The following PRKN variants were observed in gnomAD, a reference collection of about 807,000 sequenced individuals.
PRKN encodes the protein E3 ubiquitin-protein ligase parkin.
Under a neutral mutation model 59.5 loss-of-function variants are expected in PRKN, and 56 were observed. That is an observed-to-expected ratio of 0.94 (90% CI 0.76 to 1.18). The LOEUF is 1.18. PRKN is among the 50% of genes most tolerant of loss of function. PRKN has a pLI of 0.00. For synonymous variants in PRKN, 250 were observed against 222.1 expected (o/e 1.13, Z -1.12); for missense variants, 657 against 596.4 (o/e 1.10, Z -1.06).
intron 10 of PRKN, among the ~76,000 whole-genome samples, chr6:161,368,381 T>TGA (rs1479625167): frequency 4.2e-5 from 3 of 70,812 alleles, no homozygotes; most frequent in Admixed American, 3.7e-4. Flanking sequence ...ACCTCAGTCT[T>TGA]GATATATATA....
intron 3 of PRKN, among the ~76,000 whole-genome samples, chr6:162,241,685 C>T (rs1392232490): frequency 2.0e-5 from 3 of 152,176 alleles, no homozygotes; most frequent in Non-Finnish European, 4.4e-5. Context: ...ACTTTGAATG[C>T]TTCATCACAC....
chr6:161,622,928 C>G (rs76774761), intron 7 of PRKN, among the ~76,000 whole-genome samples: 52 of 152,234 alleles, frequency 3.4e-4, no homozygotes, highest in Non-Finnish European at 6.9e-4. Flanking sequence ...ATCATCTGCT[C>G]TTGTGGCTCA....
chr6:162,348,380 A>G (rs910429145), intron 2 of PRKN, among the ~76,000 whole-genome samples: 3 of 152,148 alleles, frequency 2.0e-5, no homozygotes, highest in South Asian at 2.1e-4. Flanking sequence ...AGAAAAAAAC[A>G]TATCTAATAA....
intron 5 of PRKN, among the ~76,000 whole-genome samples, chr6:161,991,563 C>G (rs1439506171): frequency 6.6e-6 from 1 of 152,072 alleles, no homozygotes; most frequent in East Asian, 1.9e-4. Flanking sequence ...CCCAACTGGC[C>G]AGGCGTGGTG....
chr6:162,091,523 C>A (rs1779495736), intron 4 of PRKN, among the ~76,000 whole-genome samples: 1 of 152,178 alleles, frequency 6.6e-6, no homozygotes, highest in African/African-American at 2.4e-5. Context: ...CTACGACCTA[C>A]TAGAAATGCT....
At chr6:161,945,860 C>T (rs1723980330) in intron 6 of PRKN, among the ~76,000 whole-genome samples, 2 of 152,202 alleles carry the variant, frequency 1.3e-5, no homozygotes, top group Admixed American at 1.3e-4. Context: ...GATTTTAAAG[C>T]TCCCGAAATG....
At chr6:161,782,772 T>C (rs1402860230) in intron 7 of PRKN, among the ~76,000 whole-genome samples, 1 of 151,978 alleles carries the variant, frequency 6.6e-6, no homozygotes, top group Non-Finnish European at 1.5e-5. Context: ...CATGCACCTG[T>C]AGTCCCAGCT....
intron 1 of PRKN, among the ~76,000 whole-genome samples, chr6:162,528,081 G>T (rs138278473): frequency 1.6e-5 from 1 of 62,760 alleles, no homozygotes; most frequent in African/African-American, 3.8e-5. Flanking sequence ...GGGGGCGGGA[G>T]GGGTGCGGGG....
chr6:162,382,796 G>A (rs1328481079), intron 2 of PRKN, among the ~76,000 whole-genome samples: 1 of 152,162 alleles, frequency 6.6e-6, no homozygotes, highest in African/African-American at 2.4e-5. Flanking sequence ...TTTCAAATTT[G>A]GAGTTAATCC....
intron 1 of PRKN, among the ~76,000 whole-genome samples, chr6:162,715,256 G>A (rs987300988): frequency 1.3e-5 from 2 of 152,152 alleles, no homozygotes; most frequent in African/African-American, 4.8e-5. Flanking sequence ...AAGACAAACC[G>A]GAGGCAAGGA....
intron 1 of PRKN, among the ~76,000 whole-genome samples, chr6:162,520,852 T>A (rs561034426): frequency 1.1e-4 from 16 of 152,306 alleles, no homozygotes; most frequent in African/African-American, 3.8e-4. Flanking sequence ...TGACTTTCGC[T>A]AAGCAAATCT....
chr6:162,337,669 A>G (rs1783903750), intron 2 of PRKN, among the ~76,000 whole-genome samples: 1 of 152,164 alleles, frequency 6.6e-6, no homozygotes, highest in Non-Finnish European at 1.5e-5. Flanking sequence ...GTCTCGATCC[A>G]TCATCATTCC....
At chr6:161,481,896 T>G (rs905558774) in intron 9 of PRKN, among the ~76,000 whole-genome samples, 2 of 148,774 alleles carry the variant, frequency 1.3e-5, no homozygotes, top group Non-Finnish European at 3.0e-5. Context: ...AGAAAGGAAG[T>G]AAAGAAGGAA....
intron 5 of PRKN, among the ~76,000 whole-genome samples, chr6:162,003,833 T>C (rs143564441): frequency 6.6e-6 from 1 of 152,312 alleles, no homozygotes; most frequent in African/African-American, 2.4e-5. Context: ...TGATTGGTAA[T>C]ACAGTTTAAA....
chr6:161,855,680 A>T (rs1336391665), intron 6 of PRKN, among the ~76,000 whole-genome samples: 1 of 152,220 alleles, frequency 6.6e-6, no homozygotes, highest in African/African-American at 2.4e-5. Flanking sequence ...TTTTTCCATT[A>T]AAATAATATT....
intron 1 of PRKN, among the ~76,000 whole-genome samples, chr6:162,706,540 A>C (rs185487054): frequency 2.0e-5 from 3 of 152,300 alleles, no homozygotes; most frequent in Admixed American, 6.5e-5. Flanking sequence ...GCAGTGCAAA[A>C]GGCTGGGCGG....
chr6:162,434,045 C>G (rs571280138), intron 2 of PRKN, among the ~76,000 whole-genome samples: 1 of 152,158 alleles, frequency 6.6e-6, no homozygotes, highest in Admixed American at 6.5e-5. Flanking sequence ...AATAATAAGA[C>G]AAGAAACATT....
chr6:161,569,992 T>TTACGGAAGGACCAAGAGA (rs1780808856), intron 7 of PRKN, among the ~76,000 whole-genome samples: 2 of 151,734 alleles, frequency 1.3e-5, no homozygotes, highest in South Asian at 4.2e-4. Flanking sequence ...AAAGGGCATC[T>TTACGGAAGGACCAAGAGA]TACGGAAGGA....
intron 7 of PRKN, among the ~76,000 whole-genome samples, chr6:161,625,193 G>C (rs777482541): frequency 3.3e-5 from 5 of 152,172 alleles, no homozygotes; most frequent in Non-Finnish European, 5.9e-5. Context: ...ACTGGATTAA[G>C]AAAATATGGC....
Sources: allele counts gnomAD v4.1 joint callset (sites outside exome capture counted in the v4.1 genomes callset), GRCh38; gene constraint gnomAD v4.1.1; transcripts MANE v1.5; gene names NCBI Gene and HGNC (gene_info 2026-07-23, HGNC 2026-07-21).